Variants in QTMAN observed in about 807,000 individuals in gnomAD.
QTMAN encodes the protein queuosine-tRNA mannosyltransferase, also known as tRNA-queuosine alpha-mannosyltransferase.
At chr2:144,243,834 T>C in the QTMAN span, among the ~76,000 whole-genome samples, 4 of 152,220 alleles carry the variant, frequency 2.6e-5, no homozygotes, top group African/African-American at 7.2e-5. Flanking sequence ...GATTGGTACT[T>C]GACTGGTTTA....
At chr2:144,001,253 T>A in the QTMAN span, among the ~76,000 whole-genome samples, 1 of 152,020 alleles carries the variant, frequency 6.6e-6, no homozygotes, top group African/African-American at 2.4e-5. Flanking sequence ...ATTTTCCATT[T>A]TATATCAATC....
chr2:144,296,734 T>C, the QTMAN span, among the ~76,000 whole-genome samples: 1 of 152,180 alleles, frequency 6.6e-6, no homozygotes, highest in Admixed American at 6.5e-5. Flanking sequence ...CTATTTCTTA[T>C]AAACTTTAGC....
the QTMAN span, among the ~76,000 whole-genome samples, chr2:144,166,187 T>A: frequency 3.3e-5 from 5 of 152,148 alleles, no homozygotes; most frequent in African/African-American, 1.2e-4. Context: ...ACACACCAGG[T>A]TGCCTTTTAT....
At chr2:144,095,966 G>A in the QTMAN span, among the ~76,000 whole-genome samples, 1 of 152,128 alleles carries the variant, frequency 6.6e-6, no homozygotes. Context: ...CCTTGAAGCA[G>A]TCTGAAATAC....
chr2:144,311,297 C>A, the QTMAN span, among the ~76,000 whole-genome samples: 1 of 152,196 alleles, frequency 6.6e-6, no homozygotes, highest in African/African-American at 2.4e-5. Flanking sequence ...ATGTAAAAAT[C>A]ATCATCTTCT....
the QTMAN span, among the ~76,000 whole-genome samples, chr2:144,075,358 C>T: frequency 6.6e-6 from 1 of 152,212 alleles, no homozygotes; most frequent in Non-Finnish European, 1.5e-5. Context: ...AGATATACTT[C>T]TATATCCAAC....
At chr2:144,247,226 G>C in the QTMAN span, among the ~76,000 whole-genome samples, 5 of 151,986 alleles carry the variant, frequency 3.3e-5, no homozygotes, top group Non-Finnish European at 7.4e-5. Context: ...ATGTCTTCAA[G>C]AAAAAAATTG....
the QTMAN span, among the ~76,000 whole-genome samples, chr2:143,993,397 T>C: frequency 6.8e-6 from 1 of 146,552 alleles, no homozygotes; most frequent in Non-Finnish European, 1.5e-5. Flanking sequence ...ACCTATTACA[T>C]GGCAAGCAAA....
chr2:143,991,722 C>G, the QTMAN span, among the ~76,000 whole-genome samples: 44 of 139,442 alleles, frequency 3.2e-4, no homozygotes, highest in Middle Eastern at 0.011. Context: ...GTCGCCCCGT[C>G]CGGGAGGGAG....
the QTMAN span, among the ~76,000 whole-genome samples, chr2:144,023,308 G>GAAAAAAA: frequency 6.7e-6 from 1 of 149,344 alleles, no homozygotes; most frequent in African/African-American, 2.5e-5. Context: ...CCTTAAAAAG[G>GAAAAAAA]AAAAAAAAAG....
At chr2:144,104,469 C>G in the QTMAN span, among the ~76,000 whole-genome samples, 8 of 152,168 alleles carry the variant, frequency 5.3e-5, no homozygotes, top group Non-Finnish European at 1.0e-4. Context: ...TATCCTGCGC[C>G]TGGCTTGGAG....
At chr2:144,014,946 T>C in the QTMAN span, among the ~76,000 whole-genome samples, 1 of 152,222 alleles carries the variant, frequency 6.6e-6, no homozygotes, top group East Asian at 1.9e-4. Context: ...GTGATTAGCA[T>C]TATTTAACTT....
the QTMAN span, among the ~76,000 whole-genome samples, chr2:144,206,812 A>C: frequency 6.6e-6 from 1 of 152,236 alleles, no homozygotes; most frequent in Non-Finnish European, 1.5e-5. Flanking sequence ...TTGTGATACA[A>C]TAATGTAATT....
the QTMAN span, among the ~76,000 whole-genome samples, chr2:144,322,778 T>C: frequency 2.0e-5 from 3 of 152,330 alleles, no homozygotes; most frequent in South Asian, 6.2e-4. Flanking sequence ...ATTCTGTTAC[T>C]TGCTTTTTGA....
At chr2:144,078,066 G>A in the QTMAN span, among the ~76,000 whole-genome samples, 1 of 152,124 alleles carries the variant, frequency 6.6e-6, no homozygotes, top group South Asian at 2.1e-4. Context: ...AAATTTTAAA[G>A]CTCAGGCTCA....
chr2:144,248,218 A>G, the QTMAN span, among the ~76,000 whole-genome samples: 1 of 152,248 alleles, frequency 6.6e-6, no homozygotes, highest in Non-Finnish European at 1.5e-5. Flanking sequence ...AAGACTATGT[A>G]GTCATTTTAA....
the QTMAN span, among the ~76,000 whole-genome samples, chr2:144,016,200 A>G: frequency 6.6e-6 from 1 of 152,220 alleles, no homozygotes; most frequent in East Asian, 1.9e-4. Flanking sequence ...CATTTCATAC[A>G]TACTGATTTT....
chr2:144,096,192 A>G, the QTMAN span, among the ~76,000 whole-genome samples: 1 of 152,206 alleles, frequency 6.6e-6, no homozygotes, highest in South Asian at 2.1e-4. Context: ...TAATATTTCT[A>G]CCTTTAAAAT....
chr2:144,288,798 T>C, the QTMAN span, among the ~76,000 whole-genome samples: 100 of 152,262 alleles, frequency 6.6e-4, no homozygotes, highest in African/African-American at 2.3e-3. Context: ...CGAAATCTAC[T>C]GCTGACCAAA....
Sources: gnomAD v4.1 joint callset for allele counts (sites outside exome capture counted in the v4.1 genomes callset) on GRCh38, gnomAD v4.1.1 for gene constraint, MANE v1.5 for transcripts, NCBI Gene and HGNC (gene_info 2026-07-23, HGNC 2026-07-21) for gene names.